GALNT9: variants seen among roughly 807,000 people sequenced by gnomAD.
GALNT9 encodes polypeptide N-acetylgalactosaminyltransferase 9, also known as GalNAc transferase 9.
GALNT9 carries 47 observed loss-of-function variants against 63.1 expected under a neutral mutation model. The observed-to-expected ratio is 0.75, with a 90% confidence interval of 0.59 to 0.95. GALNT9 has a LOEUF of 0.95. Among genes scored for constraint, GALNT9 ranks in the 40% least tolerant of loss-of-function variants. The pLI is 0.00. For synonymous variants in GALNT9, 396 were observed against 365.7 expected, an observed-to-expected ratio of 1.08 and a Z score of -0.94; for missense variants, 829 against 874.8, an observed-to-expected ratio of 0.95 and a Z score of 0.66.
At chr12:132,270,460 G>A (rs1406483587) in intron 2 of GALNT9, among the ~76,000 whole-genome samples, 3 of 152,246 alleles carry the variant, frequency 2.0e-5, no homozygotes, top group African/African-American at 7.2e-5. Flanking sequence ...GGTGCCACCT[G>A]GAGATAAAAC....
chr12:132,202,837 G>GA (rs1876272671), intron 7 of GALNT9, among the ~76,000 whole-genome samples: 2 of 152,106 alleles, frequency 1.3e-5, no homozygotes, highest in African/African-American at 2.4e-5. Context: ...GGGGCGCTTT[G>GA]AGAAAAGCCA....
At chr12:132,210,287 C>T (rs895001032) in intron 6 of GALNT9, among the ~76,000 whole-genome samples, 8 of 152,238 alleles carry the variant, frequency 5.3e-5, no homozygotes, top group Non-Finnish European at 1.0e-4. Flanking sequence ...TTGTCTTTGG[C>T]GGCGCTGTGG....
intron 2 of GALNT9, among the ~76,000 whole-genome samples, chr12:132,271,149 C>A (rs1879849034): frequency 6.6e-6 from 1 of 152,200 alleles, no homozygotes; most frequent in Non-Finnish European, 1.5e-5. Context: ...ACTGCGGCAG[C>A]AGTGGCCATG....
At chr12:132,243,657 C>G (rs1438023001) in intron 6 of GALNT9, among the ~76,000 whole-genome samples, 2 of 152,228 alleles carry the variant, frequency 1.3e-5, no homozygotes, top group South Asian at 2.1e-4. Context: ...CACTCTGCCT[C>G]TCAGGCTTTA....
rs371372328 is a variant in GALNT9 at position 132,304,662 on chromosome 12, C to T, written c.239-18232G>A. On this transcript the variant is annotated intron_variant, in intron 1 of 10. Transcript: ENST00000328957. ...ACCCTCGCCCGGACACACCCTCACC[C>T]GGGCACAGCCTCGCCCGGGCACACC... Among the ~76,000 whole-genome samples, 72 of 30,736 alleles carry T rather than the reference C, an allele frequency of 2.3e-3. 13 individuals carry two copies. The highest frequency in any genetic ancestry group is 0.091 in the East Asian group (2 of 22). 20.2% of individuals were successfully genotyped at this position (30,736 alleles called of 152,430 possible).
intron 5 of GALNT9, among the ~76,000 whole-genome samples, chr12:132,253,264 G>A (rs904634576): frequency 9.9e-5 from 15 of 152,076 alleles, no homozygotes; most frequent in Non-Finnish European, 1.8e-4. Context: ...GGATGACTGC[G>A]GGCAGGCCTG....
intron 1 of GALNT9, among the ~76,000 whole-genome samples, chr12:132,317,215 T>A (rs1232224622): frequency 6.9e-6 from 1 of 144,950 alleles, no homozygotes; most frequent in Non-Finnish European, 1.5e-5. Context: ...CCACGGCACA[T>A]CCCCATCCTA....
At chr12:132,247,652 ACTCGCCCTCACCCCGTCCCCGGATGCCGT>A in intron 6 of GALNT9, 5 of 403,290 alleles carry the variant, frequency 1.2e-5, no homozygotes, top group East Asian at 5.3e-5. Flanking sequence ...CCATGGCCGC[ACTCGCCCTCACCCCGTCCCCGGATGCCGT>A]GGCCGCACTC....
chr12:132,317,350 C>G (rs1248306334), intron 1 of GALNT9, among the ~76,000 whole-genome samples: 9 of 152,190 alleles, frequency 5.9e-5, no homozygotes, highest in Non-Finnish European at 5.9e-5. Context: ...CACTGCCCCC[C>G]CAGGCCACAC....
At chr12:132,213,853 G>C (rs564089914) in intron 6 of GALNT9, among the ~76,000 whole-genome samples, 3 of 152,232 alleles carry the variant, frequency 2.0e-5, no homozygotes, top group Admixed American at 1.3e-4. Context: ...AAAGAGCCTC[G>C]ACTGCATCAG....
intron 2 of GALNT9, among the ~76,000 whole-genome samples, chr12:132,264,890 G>T (rs1328747811): frequency 2.0e-5 from 3 of 152,208 alleles, no homozygotes; most frequent in Admixed American, 6.5e-5. Context: ...CCAGGTTCGA[G>T]CCCAGGCGCC....
At position 132,245,617 on chromosome 12, in the gene GALNT9, C is replaced by T. The variant is rs1878679639; in HGVS notation, c.1077+2293G>A. On this transcript the variant is annotated intron_variant, in intron 6 of 10. Coordinates refer to ENST00000328957, the MANE Select transcript of GALNT9 (RefSeq NM_001122636.2). This position sits in a 1 kb window ranked among gnomAD's most constrained non-coding sequence, Gnocchi z 6.3. ...CCCAGCCCAGCCTGCTGACCCTCGC[C>T]CAGCCAGGGCCCTCCGTGGTCCAGC... 6.6e-6 allele frequency among the ~76,000 whole-genome samples: 1 copy of T among 150,846 alleles called. No individual in the cohort carries two copies. The highest frequency in any genetic ancestry group is 2.0e-4 in the East Asian group (1 of 5,106).
chr12:132,273,839 G>A (rs568828895), intron 2 of GALNT9: 2 of 152,438 alleles, frequency 1.3e-5, no homozygotes, highest in East Asian at 3.9e-4. Flanking sequence ...CCCCATCCAG[G>A]GAGCACAGGG....
chr12:132,308,261 A>G (rs1222970702), intron 1 of GALNT9, among the ~76,000 whole-genome samples: 2 of 151,870 alleles, frequency 1.3e-5, no homozygotes, highest in African/African-American at 4.8e-5. Context: ...AGTGAAATCC[A>G]CTCTGGGCGT....
In GALNT9 at chr12:132,246,029, G is replaced by A. The variant is rs1445944676; in HGVS notation, c.1077+1881C>T. Among the ~76,000 whole-genome samples the A allele has an allele frequency of 6.6e-6, 1 of 152,176 alleles. No individual in the cohort carries two copies. Among genetic ancestry groups the A allele is most frequent in the East Asian group, 1.9e-4 (1 of 5,190 alleles). ...CTGCGGTGCGTTCCATCCCTCTGAG[G>A]GCCTCGGCTTTCTTAGGCCCCTGAC... On this transcript the variant is annotated intron_variant, in intron 6 of 10. Transcript: ENST00000328957. This position sits in a 1 kb window ranked among gnomAD's most constrained non-coding sequence, Gnocchi z 4.7.
At chr12:132,222,055 C>A (rs145683167) in intron 6 of GALNT9, among the ~76,000 whole-genome samples, 10 of 152,096 alleles carry the variant, frequency 6.6e-5, no homozygotes, top group African/African-American at 2.4e-4. Context: ...GTGACGAGGG[C>A]TGCTCTTCCG....
At chr12:132,247,085 A>T (rs1243473687) in intron 6 of GALNT9, among the ~76,000 whole-genome samples, 1 of 152,124 alleles carries the variant, frequency 6.6e-6, no homozygotes, top group African/African-American at 2.4e-5. Context: ...AAAATAAAAA[A>T]CCCGCAACCT....
At chr12:132,225,435 A>C (rs1281017626) in intron 6 of GALNT9, among the ~76,000 whole-genome samples, 1,496 of 146,188 alleles carry the variant, frequency 0.01, 19 homozygotes, top group African/African-American at 0.033. Flanking sequence ...TACACCCCCC[A>C]CACACACACC....
In GALNT9 at chr12:132,309,185, C is replaced by T. The variant is rs138642529; in HGVS notation, c.238+19781G>A. On this transcript the variant is annotated intron_variant, in intron 1 of 10. Coordinates refer to ENST00000328957, the MANE Select transcript of GALNT9 (RefSeq NM_001122636.2). Reference sequence around the variant, plus strand: ...AACATTGAAACCCCCGTAGATTTCACCTGAAACCCTGGAGTTTCCACTTCC... The same window carrying T: ...AACATTGAAACCCCCGTAGATTTCATCTGAAACCCTGGAGTTTCCACTTCC... 2.6e-5 allele frequency among the ~76,000 whole-genome samples: 4 copies of T among 152,330 alleles called. No homozygotes were observed. The East Asian group carries it at 7.7e-4, about 29-fold the overall frequency.
Sources: gnomAD v4.1 joint callset for allele counts (sites outside exome capture counted in the v4.1 genomes callset) on GRCh38, gnomAD v4.1.1 for gene constraint, Gnocchi (gnomAD v3.1) non-coding constraint, MANE v1.5 for transcripts, NCBI Gene and HGNC (gene_info 2026-07-23, HGNC 2026-07-21) for gene names.